The following SLC12A6 variants were observed in gnomAD, a reference collection of about 807,000 sequenced individuals.
The protein encoded by SLC12A6 is K-Cl cotransporter 3.
Under a neutral mutation model 135.3 loss-of-function variants are expected in SLC12A6, and 66 were observed. That is an observed-to-expected ratio of 0.49 (90% CI 0.40 to 0.60). SLC12A6 has a LOEUF of 0.60. Among genes scored for constraint, SLC12A6 ranks in the 20% least tolerant of loss-of-function variants. The probability of loss-of-function intolerance (pLI) is 0.00; values close to 1 mark genes in which losing one functional copy is unlikely to be tolerated. For missense variants in SLC12A6, 1,058 were observed against 1,452.3 expected, an observed-to-expected ratio of 0.73 and a Z score of 4.41; for synonymous variants, 513 against 508.8, an observed-to-expected ratio of 1.01 and a Z score of -0.11.
At chr15:34,307,836 C>G (rs1234893035) in intron 2 of SLC12A6, among the ~76,000 whole-genome samples, 1 of 152,118 alleles carries the variant, frequency 6.6e-6, no homozygotes, top group Non-Finnish European at 1.5e-5. Flanking sequence ...ACTTTTAGGG[C>G]TTTTACTATA....
chr15:34,236,924 A>G, intron 22 of SLC12A6, 109 bp from the exon 23 acceptor site: 2 of 725,432 alleles, frequency 2.8e-6, no homozygotes, highest in Admixed American at 2.0e-5. Flanking sequence ...GCATCACTAT[A>G]TTAACCTAAG....
Position 34,230,004 on chromosome 15 carries a change from A to G in SLC12A6, c.*3877T>C, listed in dbSNP as rs1312564898. The G allele has an allele frequency of 1.7e-6, 1 of 584,424 alleles. No homozygotes were observed. The highest frequency in any genetic ancestry group is 1.9e-5 in the African/African-American group (1 of 52,748). 36.2% of individuals were successfully genotyped at this position (584,424 alleles called of 1,614,324 possible). A position where few individuals can be genotyped will look rare whatever the true frequency, so the allele number is the denominator to read the frequency against. On this transcript the variant is annotated 3_prime_UTR_variant, in exon 26 of 26. Transcript: ENST00000354181. ...ATACCATAACCCAAGGCTGAAAATAATGTAGAAAACTTTATTTTTGTTTCC... is the reference window on the plus strand; with the variant it reads ...ATACCATAACCCAAGGCTGAAAATAGTGTAGAAAACTTTATTTTTGTTTCC...
intron 2 of SLC12A6, among the ~76,000 whole-genome samples, chr15:34,308,375 A>G (rs776586020): frequency 3.3e-4 from 50 of 152,176 alleles, no homozygotes; most frequent in Non-Finnish European, 7.3e-5. Flanking sequence ...CTGTAATCCC[A>G]GCACTTTGGG....
chr15:34,269,767 T>C (rs74010046), intron 3 of SLC12A6, among the ~76,000 whole-genome samples: 14,860 of 152,118 alleles, frequency 0.098, 809 homozygotes, highest in South Asian at 0.15. Flanking sequence ...ATCTAAAAGC[T>C]TAATCACATT....
chr15:34,327,794 GT>G (rs1389452049), intron 2 of SLC12A6, among the ~76,000 whole-genome samples: 1 of 152,124 alleles, frequency 6.6e-6, no homozygotes, highest in African/African-American at 2.4e-5. Flanking sequence ...TAACTTATTA[GT>G]GTTCTCTCTT....
At chr15:34,245,518 T>A (rs1891921050) in intron 14 of SLC12A6, 115 bp from the exon 15 acceptor site, 1 of 886,850 alleles carries the variant, frequency 1.1e-6, no homozygotes, top group African/African-American at 1.6e-5. Context: ...TGTGATACCT[T>A]TTAAATACCT....
chr15:34,277,889 A>G (rs113073382), intron 2 of SLC12A6, among the ~76,000 whole-genome samples: 1,820 of 152,336 alleles, frequency 0.012, 15 homozygotes, highest in Middle Eastern at 0.037. Flanking sequence ...GGCTAAAGAC[A>G]CATCATACTA....
At chr15:34,336,859 T>C (rs539928089) in intron 1 of SLC12A6, 107 bp from the exon 2 acceptor site, 5 of 641,290 alleles carry the variant, frequency 7.8e-6, no homozygotes, top group African/African-American at 7.3e-5. Flanking sequence ...TCAAGCCGAC[T>C]GTCCTAGAAA....
intron 2 of SLC12A6, among the ~76,000 whole-genome samples, chr15:34,331,300 T>C (rs1490551845): frequency 1.3e-5 from 2 of 152,126 alleles, no homozygotes; most frequent in Non-Finnish European, 2.9e-5. Context: ...CCGCAACACC[T>C]GGCTAAGTTT....
chr15:34,335,727 A>C (rs973520168), intron 2 of SLC12A6, among the ~76,000 whole-genome samples: 1 of 152,196 alleles, frequency 6.6e-6, no homozygotes, highest in Non-Finnish European at 1.5e-5. Context: ...ATGAGCCAGG[A>C]GTGGCTTGTG....
chr15:34,304,774 G>T (rs917485123), intron 2 of SLC12A6, among the ~76,000 whole-genome samples: 1 of 152,036 alleles, frequency 6.6e-6, no homozygotes, highest in Admixed American at 6.6e-5. Context: ...AAATATTATT[G>T]TTCTCTGAAC....
chr15:34,230,089 C>A lies in SLC12A6; in HGVS notation c.*3792G>T. Reference sequence around the variant, plus strand: ...TATGTAAACAAGAGAATAACTGCTGCTAAATCAAGAACTGTTGCAGCATCT... The same window carrying A: ...TATGTAAACAAGAGAATAACTGCTGATAAATCAAGAACTGTTGCAGCATCT... On this transcript the variant is annotated 3_prime_UTR_variant, in exon 26 of 26. Coordinates refer to ENST00000354181, the MANE Select transcript of SLC12A6 (RefSeq NM_001365088.1). 2.6e-6 allele frequency: 1 copy of A among 378,982 alleles called. No individual in the cohort carries two copies. The highest frequency in any genetic ancestry group is 6.2e-5 in the South Asian group (1 of 16,042). The allele number at this position is 378,982 out of a possible 1,614,324, so 23.5% of individuals were successfully genotyped here.
intron 2 of SLC12A6, among the ~76,000 whole-genome samples, chr15:34,283,756 ATT>A (rs11291463): frequency 6.7e-6 from 1 of 148,276 alleles, no homozygotes; most frequent in African/African-American, 2.5e-5. Context: ...AAAGGTTAGC[ATT>A]TTTTTTTTTG....
intron 2 of SLC12A6, among the ~76,000 whole-genome samples, chr15:34,320,932 A>C (rs200125824): frequency 5.8e-5 from 6 of 104,070 alleles, no homozygotes; most frequent in Admixed American, 1.8e-4. Flanking sequence ...CAATAAAATA[A>C]AATAAAATAA....
chr15:34,274,487 A>G (rs943378173), intron 3 of SLC12A6, among the ~76,000 whole-genome samples: 21 of 152,224 alleles, frequency 1.4e-4, no homozygotes, highest in African/African-American at 4.8e-4. Flanking sequence ...TTCTTTTTAC[A>G]CTTTGAAAAT....
chr15:34,254,496 C>A lies in SLC12A6; in HGVS notation c.970G>T (p.Ala324Ser). ...ACTAATACCATAAGGACCAAGAAAG[C>A]TGTGCCGTAGACACGCATGTTATTT... ...MLNNMRVYGT[A>S]FLVLMVLVVF... The change falls in exon 9 of 26, where the codon GCT (alanine) becomes TCT (serine). Residue 324 changes from alanine (A) to serine (S), a missense_variant. By Grantham distance (99) the Ala-to-Ser change is moderately conservative. Coordinates refer to ENST00000354181, the MANE Select transcript of SLC12A6 (RefSeq NM_001365088.1). The A allele has an allele frequency of 6.2e-7, 1 of 1,613,834 alleles. No individual in the cohort carries two copies. The highest frequency in any genetic ancestry group is 2.2e-5 in the East Asian group (1 of 44,886).
chr15:34,312,751 G>A (rs1450845286), intron 2 of SLC12A6, among the ~76,000 whole-genome samples: 1 of 152,138 alleles, frequency 6.6e-6, no homozygotes, highest in East Asian at 1.9e-4. Context: ...AAAGTCTGTG[G>A]CAACCCTATG....
chr15:34,280,594 C>T (rs1045280441), intron 2 of SLC12A6, among the ~76,000 whole-genome samples: 1 of 152,082 alleles, frequency 6.6e-6, no homozygotes, highest in Admixed American at 6.5e-5. Flanking sequence ...AGTATAGCCA[C>T]TAAGGAGAAG....
chr15:34,241,212 T>C (rs1384034461), intron 18 of SLC12A6, 21 bp downstream of exon 18: 11 of 1,191,844 alleles, frequency 9.2e-6, no homozygotes, highest in Non-Finnish European at 1.4e-5. Context: ...TGCCAAATAC[T>C]GCTAGTGTTG....
Sources: allele counts gnomAD v4.1 joint callset (sites outside exome capture counted in the v4.1 genomes callset), GRCh38; gene constraint gnomAD v4.1.1; transcripts MANE v1.5; gene names NCBI Gene and HGNC (gene_info 2026-07-23, HGNC 2026-07-21).